DDX60: variants seen among roughly 807,000 people sequenced by gnomAD.
The protein encoded by DDX60 is probable ATP-dependent RNA helicase DDX60.
DDX60 carries 165 observed loss-of-function variants against 212.8 expected under a neutral mutation model. That is an observed-to-expected ratio of 0.78 (90% CI 0.68 to 0.88). DDX60 has a LOEUF of 0.88. DDX60 is among the 40% of genes least tolerant of loss of function. DDX60 has a pLI of 0.00. For synonymous variants in DDX60, 703 were observed against 685.3 expected, an observed-to-expected ratio of 1.03 and a Z score of -0.40; for missense variants, 1,905 against 2,003.9, an observed-to-expected ratio of 0.95 and a Z score of 0.94.
rs1341935968 is a variant in DDX60, at chr4:168,236,130, A to G, written c.4533+122T>C. Reference sequence around the variant, plus strand: ...ATCACACTGATTACAAAAAGAACAAATTATTCTATAAAACAAATGAACTGC... The same window carrying G: ...ATCACACTGATTACAAAAAGAACAAGTTATTCTATAAAACAAATGAACTGC... On this transcript the variant is annotated intron_variant, in intron 33 of 37. Coordinates refer to ENST00000393743, the MANE Select transcript of DDX60 (RefSeq NM_017631.6). 16 of 938,140 alleles carry G rather than the reference A, an allele frequency of 1.7e-5. 1 individual carries two copies. In the Admixed American group the frequency reaches 2.1e-4, roughly 12 times the overall value. The allele number at this position is 938,140 out of a possible 1,614,324, so 58.1% of individuals were successfully genotyped here. A position where few individuals can be genotyped will look rare whatever the true frequency, so the allele number is the denominator to read the frequency against.
At chr4:168,306,303 G>T in intron 5 of DDX60, 76 bp downstream of exon 5, 1 of 1,014,806 alleles carries the variant, frequency 9.9e-7, no homozygotes, top group Non-Finnish European at 1.4e-6. Flanking sequence ...TAGAGGAGGA[G>T]GAGAAAAAAC....
intron 5 of DDX60, 56 bp from the exon 6 acceptor site, chr4:168,302,472 TCCAA>T: frequency 1.3e-6 from 1 of 763,146 alleles, no homozygotes; most frequent in Non-Finnish European, 1.9e-6. Context: ...GTAATTATTT[TCCAA>T]CTATAGAAAA....
chr4:168,314,675 GA>G (rs1310571725), intron 1 of DDX60, among the ~76,000 whole-genome samples: 2 of 152,072 alleles, frequency 1.3e-5, no homozygotes, highest in Non-Finnish European at 2.9e-5. Flanking sequence ...AAAAGACAAA[GA>G]GATGAAAAAA....
rs765263060 is a variant in DDX60 at position 168,308,026 on chromosome 4, A to G, written c.244T>C (p.Phe82Leu). 1.9e-5 allele frequency: 31 copies of G among 1,595,898 alleles called. No individual in the cohort carries two copies. The highest frequency in any genetic ancestry group is 2.7e-5 in the African/African-American group (2 of 74,020). ...LVDLISKGGQFTIVFFKDAEY... is the reference protein window; with the variant it reads ...LVDLISKGGQLTIVFFKDAEY... ...GTTACCTTGAAGAAAACTATGGTGA[A>G]TTGTCCTCCTTTGCTAATAAGATCC... Residue 82 changes from phenylalanine (F) to leucine (L), a missense_variant, in exon 4 of 38, where the codon TTC becomes CTC. Coordinates refer to ENST00000393743, the MANE Select transcript of DDX60 (RefSeq NM_017631.6).
intron 27 of DDX60, among the ~76,000 whole-genome samples, chr4:168,251,808 T>C (rs1339690792): frequency 6.6e-6 from 1 of 152,202 alleles, no homozygotes; most frequent in East Asian, 1.9e-4. Context: ...TGTACACACA[T>C]ACGCAAAATG....
intron 1 of DDX60, among the ~76,000 whole-genome samples, chr4:168,314,750 C>G (rs930500640): frequency 1.3e-5 from 2 of 152,054 alleles, no homozygotes; most frequent in African/African-American, 2.4e-5. Flanking sequence ...ACTAATATTT[C>G]TAGTAGGAGA....
chr4:168,274,410 A>G (rs1735238892), intron 16 of DDX60, among the ~76,000 whole-genome samples: 1 of 152,224 alleles, frequency 6.6e-6, no homozygotes, highest in South Asian at 2.1e-4. Flanking sequence ...CTGATGGTGA[A>G]GAAAATAGCT....
At chr4:168,226,977 A>G (rs1286345038) in intron 33 of DDX60, among the ~76,000 whole-genome samples, 1 of 152,134 alleles carries the variant, frequency 6.6e-6, no homozygotes, top group Non-Finnish European at 1.5e-5. Context: ...AACTGTGACA[A>G]GTAAATTTCT....
intron 33 of DDX60, among the ~76,000 whole-genome samples, chr4:168,235,552 G>A (rs1019414909): frequency 6.6e-6 from 1 of 152,090 alleles, no homozygotes; most frequent in African/African-American, 2.4e-5. Context: ...GGCATTCTGT[G>A]AGAGCACAGA....
At chr4:168,239,992 A>C (rs1363220543) in intron 30 of DDX60, among the ~76,000 whole-genome samples, 1 of 152,196 alleles carries the variant, frequency 6.6e-6, no homozygotes. Flanking sequence ...AGGCAAGAAA[A>C]AGAAATAAAG....
At chr4:168,306,864 TACTACC>T in intron 4 of DDX60, 144 bp from the exon 5 acceptor site, 1 of 634,798 alleles carries the variant, frequency 1.6e-6, no homozygotes. Context: ...CCCTAAACTT[TACTACC>T]ATCTTACAGA....
chr4:168,222,348 A>G (rs1180243223), intron 35 of DDX60, among the ~76,000 whole-genome samples: 2 of 152,154 alleles, frequency 1.3e-5, no homozygotes, highest in Admixed American at 6.6e-5. Context: ...AAGTAAAAAG[A>G]AGGCGGTGAA....
intron 3 of DDX60, among the ~76,000 whole-genome samples, chr4:168,308,614 G>C (rs1736994783): frequency 2.0e-5 from 3 of 150,476 alleles, no homozygotes; most frequent in Non-Finnish European, 4.4e-5. Flanking sequence ...GTGCTGTGTT[G>C]AACAATCATA....
intron 33 of DDX60, among the ~76,000 whole-genome samples, chr4:168,235,084 G>A (rs1733585479): frequency 6.6e-6 from 1 of 152,032 alleles, no homozygotes; most frequent in African/African-American, 2.4e-5. Flanking sequence ...TCTTGAGGGG[G>A]ATACAAGCCT....
chr4:168,306,263 T>C (rs1396103369), intron 5 of DDX60, 116 bp downstream of exon 5: 2 of 625,212 alleles, frequency 3.2e-6, no homozygotes, highest in African/African-American at 1.8e-5. Flanking sequence ...TTAATTGTTA[T>C]ACCTATCTGT....
chr4:168,312,625 C>T lies in DDX60; in HGVS notation c.-106-1260G>A, dbSNP rs1404297285. Among the ~76,000 whole-genome samples the T allele has an allele frequency of 2.0e-5, 3 of 151,440 alleles. No individual in the cohort carries two copies. The East Asian group carries it at 5.8e-4, about 29-fold the overall frequency. On this transcript the variant is annotated intron_variant, in intron 1 of 37. Transcript: ENST00000393743. ...ACTAAATATTGAGACACTTGCCATT[C>T]AATATGTTAGGGCTATGAAACAGAT...
Position 168,217,027 on chromosome 4 carries a change from G to GA in DDX60, c.5044dup (p.Ser1682PhefsTer4). The stretch of plus-strand genomic sequence containing the variant: ...TTCATTTTCACATAGCTCACGCAAG[G>GA]AAACACTGGAAATGGGGAAAAAAAT... On this transcript the variant is annotated frameshift_variant, in exon 38 of 38. Coordinates refer to ENST00000393743, the MANE Select transcript of DDX60 (RefSeq NM_017631.6). LOFTEE classifies it high-confidence loss of function. 3 of 1,601,352 alleles carry GA rather than the reference G, an allele frequency of 1.9e-6. No homozygotes were observed. Among genetic ancestry groups the GA allele is most frequent in the Non-Finnish European group, 1.7e-6 (2 of 1,175,034 alleles).
At chr4:168,235,131 A>G (rs2149495426) in intron 33 of DDX60, among the ~76,000 whole-genome samples, 1 of 151,998 alleles carries the variant, frequency 6.6e-6, no homozygotes, top group African/African-American at 2.4e-5. Context: ...TTCTCTAGTG[A>G]GTTTTTATTT....
intron 8 of DDX60, among the ~76,000 whole-genome samples, chr4:168,289,316 C>G (rs975393598): frequency 1.3e-5 from 2 of 152,150 alleles, no homozygotes; most frequent in East Asian, 1.9e-4. Context: ...TTAACCACAT[C>G]CACATTTTGA....
Sources: allele counts gnomAD v4.1 joint callset (sites outside exome capture counted in the v4.1 genomes callset), GRCh38; gene constraint gnomAD v4.1.1; transcripts MANE v1.5; gene names NCBI Gene and HGNC (gene_info 2026-07-23, HGNC 2026-07-21).